PHF12: variants seen among roughly 807,000 people sequenced by gnomAD.
The protein encoded by PHF12 is PHD factor 1.
PHF12 carries 6 observed loss-of-function variants against 99.8 expected under a neutral mutation model. The ratio of observed to expected loss-of-function variants is 0.06; its 90% CI spans 0.03 to 0.12. PHF12 has a LOEUF of 0.12. Ranked by LOEUF, PHF12 falls within the 10% of genes least tolerant of loss-of-function variation. The pLI, the probability that PHF12 is intolerant of heterozygous loss-of-function variation, is 1.00. For missense variants in PHF12, 954 were observed against 1,300.1 expected (o/e 0.73, Z 4.09); for synonymous variants, 480 against 514.9 (o/e 0.93, Z 0.92).
chr17:28,936,101 C>T (rs7208151), intron 2 of PHF12, among the ~76,000 whole-genome samples: 2,561 of 152,256 alleles, frequency 0.017, 64 homozygotes, highest in African/African-American at 0.058. Flanking sequence ...TGGTTCTTGG[C>T]GCTCTAATTA....
intron 2 of PHF12, among the ~76,000 whole-genome samples, chr17:28,942,127 T>C (rs899130948): frequency 6.6e-6 from 1 of 152,174 alleles, no homozygotes; most frequent in African/African-American, 2.4e-5. Context: ...CATCGTAAGG[T>C]TCTCTTCACT....
At chr17:28,921,644 C>T in intron 5 of PHF12, 44 bp downstream of exon 5, 1 of 1,601,470 alleles carries the variant, frequency 6.2e-7, no homozygotes, top group South Asian at 1.1e-5. Flanking sequence ...AAAGTATCAT[C>T]TGCTAAATAA....
intron 2 of PHF12, among the ~76,000 whole-genome samples, chr17:28,941,039 C>CTTT (rs34310397): frequency 8.2e-5 from 11 of 134,322 alleles, no homozygotes; most frequent in African/African-American, 2.2e-4. Flanking sequence ...GGAAAACAGA[C>CTTT]TTTTTTTTTT....
chr17:28,906,062 AGAT>A lies in PHF12; in HGVS notation c.*118_*120del. 1 of 936,096 alleles carries A rather than the reference AGAT, an allele frequency of 1.1e-6. No individual in the cohort carries two copies. Among genetic ancestry groups the A allele is most frequent in the East Asian group, 2.8e-5 (1 of 35,806 alleles). The allele number at this position is 936,096 out of a possible 1,614,324, so 58.0% of individuals were successfully genotyped here. A position where few individuals can be genotyped will look rare whatever the true frequency, so the allele number is the denominator to read the frequency against. On this transcript the variant is annotated 3_prime_UTR_variant, in exon 15 of 15. Transcript: ENST00000332830. The surrounding 1 kb of genome is among the most constrained non-coding windows in gnomAD (Gnocchi z 4.2). ...AAAAGGTTTTCTTCATTTCATGCAA[AGAT>A]TGTAGTTGAAGGGTTTCTGGTAGAG...
intron 2 of PHF12, among the ~76,000 whole-genome samples, chr17:28,947,142 C>G (rs1313773427): frequency 6.6e-6 from 1 of 151,760 alleles, no homozygotes; most frequent in Non-Finnish European, 1.5e-5. Flanking sequence ...TGCCACCACA[C>G]CCGGCTAATT....
At chr17:28,943,358 G>A (rs1355445304) in intron 2 of PHF12, among the ~76,000 whole-genome samples, 2 of 152,144 alleles carry the variant, frequency 1.3e-5, no homozygotes, top group East Asian at 1.9e-4. Flanking sequence ...TGGCTGGCAC[G>A]GTGGCTCACA....
rs35263191 is a variant in PHF12 at position 28,923,653 on chromosome 17, C to CAAAAAAAAAAAAAAA, written c.715+241_715+255dup. Among the ~76,000 whole-genome samples the CAAAAAAAAAAAAAAA allele has an allele frequency of 5.8e-3, 253 of 43,454 alleles. 21 individuals carry two copies. The highest frequency in any genetic ancestry group is 0.017 in the Middle Eastern group (1 of 60). The allele number at this position is 43,454 out of a possible 152,430, so 28.5% of individuals were successfully genotyped here. ...AGCCTGAGTGACAAAGTGAGACTCACAAAAAAAAAAAAAAAAAAAAAAGGA... is the reference window on the plus strand; with the variant it reads ...AGCCTGAGTGACAAAGTGAGACTCACAAAAAAAAAAAAAAAAAAAAAAAAAAAAAAAAAAAAAGGA... On this transcript the variant is annotated intron_variant, in intron 4 of 14. Transcript: ENST00000332830.
intron 2 of PHF12, among the ~76,000 whole-genome samples, chr17:28,945,848 C>T (rs1365784692): frequency 2.0e-5 from 3 of 152,124 alleles, no homozygotes; most frequent in Admixed American, 2.0e-4. Flanking sequence ...ACATATCTCC[C>T]TCCATGGCCG....
chr17:28,911,105 C>T lies in PHF12; in HGVS notation c.2215+7G>A, dbSNP rs1310916328. On this transcript the variant is annotated splice_region_variant and intron_variant, in intron 10 of 14. Transcript: ENST00000332830. ...AACGGTGGAACAGCAGCAGCTCATT[C>T]ACTCACCTCCATTGACATCCATAAA... 3.7e-6 allele frequency: 6 copies of T among 1,614,102 alleles called. No homozygotes were observed. Among genetic ancestry groups the T allele is most frequent in the Non-Finnish European group, 5.1e-6 (6 of 1,179,982 alleles).
chr17:28,912,961 G>A lies in PHF12; in HGVS notation c.1610C>T (p.Ala537Val), dbSNP rs531679939. The change falls in exon 9 of 15, where the codon GCC (alanine) becomes GTC (valine). Residue 537 changes from alanine (A) to valine (V), a missense_variant. This residue lies in a region of PHF12 where 392 missense variants were observed against 423.1 expected (regional missense o/e 0.93). Coordinates refer to ENST00000332830, the MANE Select transcript of PHF12 (RefSeq NM_001033561.2). ...EKSKKTPCGT[A>V]NGPVNTEVKA... ...CACCTCTGTGTTCACTGGCCCATTGGCAGTCCCACAAGGGGTTTTCTTGGA... is the reference window on the plus strand; with the variant it reads ...CACCTCTGTGTTCACTGGCCCATTGACAGTCCCACAAGGGGTTTTCTTGGA... 2.4e-5 allele frequency: 39 copies of A among 1,614,236 alleles called. No individual in the cohort carries two copies. Among genetic ancestry groups the A allele is most frequent in the Non-Finnish European group, 3.1e-5 (37 of 1,180,036 alleles).
At chr17:28,916,272 G>A (rs190681193) in intron 7 of PHF12, among the ~76,000 whole-genome samples, 123 of 152,232 alleles carry the variant, frequency 8.1e-4, no homozygotes, top group Admixed American at 1.8e-3. Context: ...TCGGCTCACT[G>A]CAACCTCCAC....
In PHF12 at chr17:28,913,257, C is replaced by A; in HGVS notation, c.1314G>T (p.Ala438=). The A allele has an allele frequency of 6.2e-7, 1 of 1,611,412 alleles. No homozygotes were observed. Among genetic ancestry groups the A allele is most frequent in the South Asian group, 1.1e-5 (1 of 90,746 alleles). Residue 438 remains alanine (A), a synonymous_variant, in exon 9 of 15, where the codon GCG becomes GCT. Transcript: ENST00000332830. ...AATGTTTCAATATGCTGCACTGGAG[C>A]GCAACAACACTACAGAGCCACTGCA... The part of the protein sequence containing the change: ...EQQEWLCSVV[A]LQCSILKHLS...
Position 28,950,991 on chromosome 17 carries a change from C to T in PHF12, c.-31G>A. ...CACCTCCCGGGCTGGGTGCTCTCTGCTCCGGCCCCCCCAACCCCGGGGGGA... is the reference window on the plus strand; with the variant it reads ...CACCTCCCGGGCTGGGTGCTCTCTGTTCCGGCCCCCCCAACCCCGGGGGGA... On this transcript the variant is annotated 5_prime_UTR_variant, in exon 1 of 15. Transcript: ENST00000332830. This position sits in a 1 kb window ranked among gnomAD's most constrained non-coding sequence, Gnocchi z 5.7. 1 of 1,612,852 alleles carries T rather than the reference C, an allele frequency of 6.2e-7. No homozygotes were observed. Among genetic ancestry groups the T allele is most frequent in the Non-Finnish European group, 8.5e-7 (1 of 1,179,366 alleles).
At position 28,951,477 on chromosome 17, in the gene PHF12, C is replaced by A; in HGVS notation, c.-517G>T. On this transcript the variant is annotated 5_prime_UTR_variant, in exon 1 of 15. Coordinates refer to ENST00000332830, the MANE Select transcript of PHF12 (RefSeq NM_001033561.2). ...TTGGCGCAAACTTACCGCGAGCGCCCGCAAAGCCACCCGCGCAGGCGCCCC... is the reference window on the plus strand; with the variant it reads ...TTGGCGCAAACTTACCGCGAGCGCCAGCAAAGCCACCCGCGCAGGCGCCCC... The A allele has an allele frequency of 1.0e-6, 1 of 985,462 alleles. No homozygotes were observed. Among genetic ancestry groups the A allele is most frequent in the South Asian group, 4.7e-5 (1 of 21,346 alleles). The allele number at this position is 985,462 out of a possible 1,614,324, so 61.0% of individuals were successfully genotyped here.
rs2039873539 is a variant in PHF12 at position 28,906,493 on chromosome 17, T to A, written c.2705A>T (p.Asp902Val). Residue 902 changes from aspartate to valine, a missense_variant, in exon 15 of 15, where the codon GAC becomes GTC. By Grantham distance (152) the Asp-to-Val change is radical (BLOSUM62 -3). Transcript: ENST00000332830. This position sits in a 1 kb window ranked among gnomAD's most constrained non-coding sequence, Gnocchi z 4.2. Reference sequence around the variant, plus strand: ...GGCTGCCTCCTCACTTGGCTCTTCGTCCTGTTTCTGGTGCCGGCGGCGCCC... The same window carrying A: ...GGCTGCCTCCTCACTTGGCTCTTCGACCTGTTTCTGGTGCCGGCGGCGCCC... ...VIRRRRHQKQ[D>V]EEPSEEAAMM... is the part of the protein sequence containing the mutation. 1.2e-6 allele frequency: 2 copies of A among 1,606,074 alleles called. No individual in the cohort carries two copies. Among genetic ancestry groups the A allele is most frequent in the Non-Finnish European group, 8.5e-7 (1 of 1,173,778 alleles).
chr17:28,925,700 G>C (rs571617226), intron 3 of PHF12: 1 of 152,188 alleles, frequency 6.6e-6, no homozygotes, highest in African/African-American at 2.4e-5. Context: ...TTGAGTCCTT[G>C]GGAAAGTTAA....
chr17:28,906,058 G>T lies in PHF12; in HGVS notation c.*125C>A. The stretch of plus-strand genomic sequence containing the variant: ...AGTCAAAAGGTTTTCTTCATTTCAT[G>T]CAAAGATTGTAGTTGAAGGGTTTCT... On this transcript the variant is annotated 3_prime_UTR_variant, in exon 15 of 15. Coordinates refer to ENST00000332830, the MANE Select transcript of PHF12 (RefSeq NM_001033561.2). This position sits in a 1 kb window ranked among gnomAD's most constrained non-coding sequence, Gnocchi z 4.2. 1.1e-6 allele frequency: 1 copy of T among 921,150 alleles called. No homozygotes were observed. The highest frequency in any genetic ancestry group is 1.5e-6 in the Non-Finnish European group (1 of 646,522). The allele number at this position is 921,150 out of a possible 1,614,324, so 57.1% of individuals were successfully genotyped here.
At chr17:28,928,503 G>A (rs906709656) in intron 2 of PHF12, among the ~76,000 whole-genome samples, 1 of 152,168 alleles carries the variant, frequency 6.6e-6, no homozygotes, top group African/African-American at 2.4e-5. Flanking sequence ...CTAGGACAAT[G>A]ATTGGATCTC....
At chr17:28,919,380 TCCTTGATCCTAACATTCTCCC>T in intron 5 of PHF12, 105 bp from the exon 6 acceptor site, 1 of 783,560 alleles carries the variant, frequency 1.3e-6, no homozygotes, top group East Asian at 2.7e-5. Context: ...CATTCTCCCC[TCCTTGATCCTAACATTCTCCC>T]CTATCTTCCT....
Sources: gnomAD v4.1 joint callset for allele counts (sites outside exome capture counted in the v4.1 genomes callset) on GRCh38, gnomAD v4.1.1 for gene constraint, gnomAD v4.1.1 regional missense constraint, Gnocchi (gnomAD v3.1) non-coding constraint, MANE v1.5 for transcripts, NCBI Gene and HGNC (gene_info 2026-07-23, HGNC 2026-07-21) for gene names.